Variants in DDX60 observed in about 807,000 individuals in gnomAD.
The protein encoded by DDX60 is DExD/H-box helicase 60, also known as probable ATP-dependent RNA helicase DDX60.
In DDX60, 165 loss-of-function variants were observed where a neutral mutation model predicts 212.8. The ratio of observed to expected loss-of-function variants is 0.78; its 90% CI spans 0.68 to 0.88. The LOEUF (loss-of-function observed/expected upper bound fraction) is 0.88, where lower values mean the gene tolerates loss of function less well. Among genes scored for constraint, DDX60 ranks in the 40% least tolerant of loss-of-function variants. The pLI is 0.00. For missense variants in DDX60, 1,905 were observed against 2,003.9 expected (o/e 0.95, Z 0.94); for synonymous variants, 703 against 685.3 (o/e 1.03, Z -0.40).
chr4:168,261,910 TA>T (rs1308624697), intron 24 of DDX60, 89 bp downstream of exon 24: 51 of 1,397,184 alleles, frequency 3.7e-5, no homozygotes, highest in Middle Eastern at 1.9e-4. Context: ...AATTGAGGAT[TA>T]AAAAAAATCA....
intron 1 of DDX60, among the ~76,000 whole-genome samples, chr4:168,312,097 G>A (rs1175907052): frequency 1.3e-5 from 2 of 152,144 alleles, no homozygotes; most frequent in African/African-American, 4.8e-5. Context: ...TTTAGGAGAT[G>A]AGCTTGACAT....
In DDX60 at chr4:168,221,626, C is replaced by T. The variant is rs75339935; in HGVS notation, c.4976+104G>A. ...AGTATGTTTAGTATGATTTAACCTG[C>T]ACTTGAAACTGTAATGAGGTTTCTT... On this transcript the variant is annotated intron_variant, in intron 36 of 37. Coordinates refer to ENST00000393743, the MANE Select transcript of DDX60 (RefSeq NM_017631.6). 2,871 of 1,246,970 alleles carry T rather than the reference C, an allele frequency of 2.3e-3. 57 individuals carry two copies. The African/African-American group carries it at 0.036, about 16-fold the overall frequency. The allele number at this position is 1,246,970 out of a possible 1,614,324, so 77.2% of individuals were successfully genotyped here. A position where few individuals can be genotyped will look rare whatever the true frequency, so the allele number is the denominator to read the frequency against.
intron 6 of DDX60, 27 bp from the exon 7 acceptor site, chr4:168,293,972 T>C: frequency 1.3e-6 from 2 of 1,589,302 alleles, no homozygotes; most frequent in Non-Finnish European, 1.7e-6. Context: ...TTGTAATGTG[T>C]CATGCTATTT....
At chr4:168,309,612 T>C (rs1737042867) in intron 3 of DDX60, among the ~76,000 whole-genome samples, 1 of 152,010 alleles carries the variant, frequency 6.6e-6, no homozygotes, top group African/African-American at 2.4e-5. Context: ...GCAAAGTATA[T>C]GACAAAGCAA....
intron 3 of DDX60, among the ~76,000 whole-genome samples, chr4:168,310,007 C>T (rs1020238483): frequency 3.9e-5 from 6 of 152,124 alleles, no homozygotes; most frequent in Non-Finnish European, 7.4e-5. Context: ...AGCTGCCAGT[C>T]TCTCAGATGT....
In DDX60 at chr4:168,250,998, C is replaced by T. The variant is rs1734200596; in HGVS notation, c.3814G>A (p.Glu1272Lys). The T allele has an allele frequency of 6.2e-7, 1 of 1,607,608 alleles. No individual in the cohort carries two copies. The highest frequency in any genetic ancestry group is 8.5e-7 in the Non-Finnish European group (1 of 1,177,128). The change falls in exon 28 of 38, where the codon GAA becomes AAA. Residue 1272 changes from glutamate (E) to lysine (K), a missense_variant. Glu to Lys is a moderately conservative substitution (Grantham distance 56, BLOSUM62 1). Transcript: ENST00000393743. Reference protein sequence around the residue: ...GYHHSAMSFKEKQLVEILFRK... With the variant: ...GYHHSAMSFKKKQLVEILFRK... ...AAGAGGATTTCAACTAATTGTTTTT[C>T]TTTGAAACTCATAGCACTGTGATGA...
At chr4:168,234,328 C>T (rs1165379044) in intron 33 of DDX60, among the ~76,000 whole-genome samples, 2 of 151,836 alleles carry the variant, frequency 1.3e-5, no homozygotes, top group African/African-American at 4.8e-5. Flanking sequence ...TTTTCTGGGA[C>T]TCCCATTATA....
Position 168,275,392 on chromosome 4 carries a change from T to C in DDX60, c.2257A>G (p.Lys753Glu). ...TCCTGGACCCTGGGATCTGGGTCTT[T>C]TCTCTCATCTCGTATCAAATAATGG... Reference protein sequence around the residue: ...MGHYLIRDERKDPDPRVQDFI... With the variant: ...MGHYLIRDEREDPDPRVQDFI... The change falls in exon 16 of 38, where the codon AAA (lysine) becomes GAA (glutamate). Residue 753 changes from lysine (K) to glutamate (E), a missense_variant. Lys to Glu is a moderately conservative substitution (Grantham distance 56, BLOSUM62 1). Coordinates refer to ENST00000393743, the MANE Select transcript of DDX60 (RefSeq NM_017631.6). 2 of 1,612,670 alleles carry C rather than the reference T, an allele frequency of 1.2e-6. No individual in the cohort carries two copies. Among genetic ancestry groups the C allele is most frequent in the Non-Finnish European group, 1.7e-6 (2 of 1,179,326 alleles).
chr4:168,281,340 C>T (rs893223246), intron 13 of DDX60, among the ~76,000 whole-genome samples: 1 of 152,124 alleles, frequency 6.6e-6, no homozygotes, highest in African/African-American at 2.4e-5. Flanking sequence ...TCTCCCAAGT[C>T]GAAGTCATGT....
chr4:168,317,396 A>G (rs1049396881), intron 1 of DDX60, among the ~76,000 whole-genome samples: 5 of 152,170 alleles, frequency 3.3e-5, no homozygotes, highest in Admixed American at 3.3e-4. Context: ...GAAGAAGAAA[A>G]GAAGAAGGGA....
At chr4:168,285,213 AC>A (rs1277428793) in intron 11 of DDX60, among the ~76,000 whole-genome samples, 179 bp downstream of exon 11, 2 of 152,214 alleles carry the variant, frequency 1.3e-5, no homozygotes, top group African/African-American at 4.8e-5. Flanking sequence ...TAAAAACTAT[AC>A]AGATTTTTAC....
chr4:168,307,085 T>C (rs927740715), intron 4 of DDX60, among the ~76,000 whole-genome samples: 14 of 152,254 alleles, frequency 9.2e-5, no homozygotes, highest in Middle Eastern at 3.2e-3. Flanking sequence ...CATTGTGTTT[T>C]AGAGGATTGC....
At chr4:168,322,893 C>T (rs868840042), upstream of DDX60, among the ~76,000 whole-genome samples, 1 of 152,336 alleles carries the variant, frequency 6.6e-6, no homozygotes, top group Non-Finnish European at 1.5e-5. Context: ...TGGGGGGAAG[C>T]TCCCTGTTTC....
At position 168,308,620 on chromosome 4, in the gene DDX60, T is replaced by C. The variant is rs145226628; in HGVS notation, c.75-425A>G. ...GCTCTAAAAGTGCTGTGTTGAACAATCATATATACATATATATAATAGTGT... is the reference window on the plus strand; with the variant it reads ...GCTCTAAAAGTGCTGTGTTGAACAACCATATATACATATATATAATAGTGT... On this transcript the variant is annotated intron_variant, in intron 3 of 37. Transcript: ENST00000393743. Among the ~76,000 whole-genome samples the C allele has an allele frequency of 1.1e-4, 16 of 150,662 alleles. No homozygotes were observed. In the East Asian group the frequency reaches 3.1e-3, roughly 29 times the overall value.
chr4:168,257,254 A>C (rs192342888), intron 25 of DDX60, among the ~76,000 whole-genome samples: 250 of 152,262 alleles, frequency 1.6e-3, no homozygotes, highest in African/African-American at 5.8e-3. Flanking sequence ...GGTTGCAGTG[A>C]GCTGAGATTG....
intron 29 of DDX60, among the ~76,000 whole-genome samples, chr4:168,247,746 G>A (rs956376220): frequency 2.0e-5 from 3 of 152,214 alleles, no homozygotes; most frequent in Admixed American, 6.5e-5. Context: ...CAGTAATGAA[G>A]TGGGCTTGGT....
In DDX60 at chr4:168,287,185, C is replaced by G. The variant is rs1424576720; in HGVS notation, c.1202G>C (p.Gly401Ala). The change falls in exon 10 of 38, where the codon GGA becomes GCA. Residue 401 changes from glycine (G) to alanine (A), a missense_variant. Physicochemically the swap from Gly to Ala is moderately conservative, Grantham distance 60. Coordinates refer to ENST00000393743, the MANE Select transcript of DDX60 (RefSeq NM_017631.6). ...TTCATAATCTTTCATAATGGTATCT[C>G]CCAAATTCAAATGTAGGCCTACATA... ...ENVKGLHLNL[G>A]DTIMKDYEYL... 6.2e-7 allele frequency: 1 copy of G among 1,607,638 alleles called. No individual in the cohort carries two copies. Among genetic ancestry groups the G allele is most frequent in the Admixed American group, 1.7e-5 (1 of 58,610 alleles).
At chr4:168,264,691 A>C (rs1734766917) in intron 22 of DDX60, among the ~76,000 whole-genome samples, 1 of 152,202 alleles carries the variant, frequency 6.6e-6, no homozygotes, top group South Asian at 2.1e-4. Context: ...CAGACTTAGT[A>C]AAATGCCTGG....
rs550867627 is a variant in DDX60 at position 168,228,305 on chromosome 4, A to G, written c.4534-2629T>C. On this transcript the variant is annotated intron_variant, in intron 33 of 37. Coordinates refer to ENST00000393743, the MANE Select transcript of DDX60 (RefSeq NM_017631.6). ...AAATGTCATTGTGTGGCACATGTCT[A>G]TAGTTGTCTATATTTTAAGATATAG... 4.6e-5 allele frequency among the ~76,000 whole-genome samples: 7 copies of G among 152,114 alleles called. No homozygotes were observed. The South Asian group carries it at 6.2e-4, about 13-fold the overall frequency.
Sources: allele counts gnomAD v4.1 joint callset (sites outside exome capture counted in the v4.1 genomes callset), GRCh38; gene constraint gnomAD v4.1.1; transcripts MANE v1.5; gene names NCBI Gene and HGNC (gene_info 2026-07-23, HGNC 2026-07-21).